Variants in FAM229B observed in about 807,000 individuals in gnomAD.
FAM229B encodes the protein family with sequence similarity 229 member B.
FAM229B carries 2 observed loss-of-function variants against 6.7 expected under a neutral mutation model. The observed-to-expected ratio is 0.30, with a 90% CI of 0.12 to 0.94. The LOEUF is 0.94. Among genes scored for constraint, FAM229B ranks in the 40% least tolerant of loss-of-function variants. The probability of loss-of-function intolerance (pLI) is 0.54; values close to 1 mark genes in which losing one functional copy is unlikely to be tolerated. For missense variants in FAM229B, 93 were observed against 96.2 expected, an observed-to-expected ratio of 0.97 and a Z score of 0.14; for synonymous variants, 29 against 34.0, an observed-to-expected ratio of 0.85 and a Z score of 0.51.
chr6:112,098,855 T>A (rs1777359246), intron 2 of FAM229B, among the ~76,000 whole-genome samples: 1 of 152,230 alleles, frequency 6.6e-6, no homozygotes, highest in Non-Finnish European at 1.5e-5. Flanking sequence ...TTGCGTTGCT[T>A]GGTGGCTATT....
At chr6:112,094,378 A>G (rs1030817996) in intron 1 of FAM229B, among the ~76,000 whole-genome samples, 4 of 152,124 alleles carry the variant, frequency 2.6e-5, no homozygotes, top group African/African-American at 9.7e-5. Context: ...CTTATGTCTC[A>G]GACTCCATTT....
intron 1 of FAM229B, among the ~76,000 whole-genome samples, chr6:112,094,500 C>A (rs1461496695): frequency 6.6e-6 from 1 of 151,914 alleles, no homozygotes; most frequent in Non-Finnish European, 1.5e-5. Flanking sequence ...TCAACTGTGT[C>A]AATGTTTTTG....
chr6:112,094,543 C>T (rs1239918468), intron 1 of FAM229B, among the ~76,000 whole-genome samples: 1 of 152,084 alleles, frequency 6.6e-6, no homozygotes, highest in Non-Finnish European at 1.5e-5. Flanking sequence ...TTAATGCCCC[C>T]CATCTCTTAG....
At position 112,093,558 on chromosome 6, in the gene FAM229B, C is replaced by T. The variant is rs116839052; in HGVS notation, c.-175-3483C>T. ...AGAACAGTGAAGCCAACTATAGCAG[C>T]ATGTACATTCAAGTGCGTGTGGAAC... is the stretch of plus-strand genomic sequence containing the variant. On this transcript the variant is annotated intron_variant, in intron 1 of 3. Transcript: ENST00000368656. Among the ~76,000 whole-genome samples the T allele has an allele frequency of 6.4e-3, 968 of 152,170 alleles. 10 individuals are homozygous for T. Among genetic ancestry groups the T allele is most frequent in the African/African-American group, 0.022 (915 of 41,550 alleles).
At chr6:112,099,890 G>GA (rs1554319061) in intron 3 of FAM229B, among the ~76,000 whole-genome samples, 1 of 152,194 alleles carries the variant, frequency 6.6e-6, no homozygotes, top group African/African-American at 2.4e-5. Context: ...GAGTGATATA[G>GA]AATCTGAAGA....
intron 3 of FAM229B, 144 bp downstream of exon 3, chr6:112,099,552 C>G (rs1251365520): frequency 1.4e-6 from 1 of 733,394 alleles, no homozygotes; most frequent in Admixed American, 3.5e-5. Context: ...TAACAGAGCC[C>G]AGTTTTCCTT....
Position 112,096,521 on chromosome 6 carries a change from A to C in FAM229B, c.-175-520A>C, listed in dbSNP as rs146537258. Among the ~76,000 whole-genome samples the C allele has an allele frequency of 6.8e-3, 1,037 of 152,232 alleles. 10 individuals are homozygous for C. The highest frequency in any genetic ancestry group is 0.024 in the African/African-American group (981 of 41,552). The stretch of plus-strand genomic sequence containing the variant: ...CAGTGAGCCAAGATAGCACCACTGC[A>C]CTCCAGCCTGGGTGACAGAGCGAGA... On this transcript the variant is annotated intron_variant, in intron 1 of 3. Coordinates refer to ENST00000368656, the MANE Select transcript of FAM229B (RefSeq NM_001033564.3).
In FAM229B at chr6:112,088,810, G is replaced by A. The variant is rs151165063; in HGVS notation, c.-176+1090G>A. On this transcript the variant is annotated intron_variant, in intron 1 of 3. Transcript: ENST00000368656. Reference sequence around the variant, plus strand: ...AGTCTTGGTCCAGTTTGTAGGCAGTGATGTGAATAGGTCTGTATCAGTGTG... The same window carrying A: ...AGTCTTGGTCCAGTTTGTAGGCAGTAATGTGAATAGGTCTGTATCAGTGTG... Among the ~76,000 whole-genome samples, 589 of 152,328 alleles carry A rather than the reference G, an allele frequency of 3.9e-3. 9 individuals are homozygous for A. Among genetic ancestry groups the A allele is most frequent in the African/African-American group, 0.013 (556 of 41,570 alleles).
intron 1 of FAM229B, among the ~76,000 whole-genome samples, chr6:112,089,822 A>C (rs1777234085): frequency 6.6e-6 from 1 of 152,238 alleles, no homozygotes; most frequent in Admixed American, 6.5e-5. Flanking sequence ...ACATAAGATT[A>C]ACATGTGCCC....
intron 1 of FAM229B, among the ~76,000 whole-genome samples, chr6:112,088,147 A>G (rs1777203706): frequency 6.6e-6 from 1 of 152,192 alleles, no homozygotes; most frequent in Non-Finnish European, 1.5e-5. Flanking sequence ...CACGCGAAAT[A>G]CTTAAAGAAT....
At chr6:112,095,628 C>A (rs1336669584) in intron 1 of FAM229B, among the ~76,000 whole-genome samples, 1 of 106,558 alleles carries the variant, frequency 9.4e-6, no homozygotes. Context: ...AGAGCAAGAC[C>A]CTGTCTCAAA....
rs1275044669 is a variant in FAM229B at position 112,097,192 on chromosome 6, G to A, written c.-24G>A. On this transcript the variant is annotated 5_prime_UTR_variant, in exon 2 of 4. Transcript: ENST00000368656. ...TTCACCTCTACAGGAATCAGACTCA[G>A]CCTCTTTTGGTAAGTCTATTTATCC... The A allele has an allele frequency of 2.6e-5, 4 of 152,200 alleles. No homozygotes were observed. Among genetic ancestry groups the A allele is most frequent in the Non-Finnish European group, 5.9e-5 (4 of 68,034 alleles). 9.4% of individuals were successfully genotyped at this position (152,200 alleles called of 1,614,324 possible).
chr6:112,090,968 CTT>C (rs782177035), intron 1 of FAM229B, among the ~76,000 whole-genome samples: 55 of 152,216 alleles, frequency 3.6e-4, no homozygotes, highest in Non-Finnish European at 6.6e-4. Context: ...CTAACTGAAA[CTT>C]ATTGTATCCG....
chr6:112,095,401 G>A (rs1283389719), intron 1 of FAM229B, among the ~76,000 whole-genome samples: 1 of 151,964 alleles, frequency 6.6e-6, no homozygotes, highest in Non-Finnish European at 1.5e-5. Context: ...GGAGGGTGAG[G>A]TGGGTGGATC....
intron 2 of FAM229B, among the ~76,000 whole-genome samples, chr6:112,098,605 G>T (rs1329484557): frequency 1.3e-5 from 2 of 152,152 alleles, no homozygotes; most frequent in Admixed American, 6.5e-5. Context: ...GTTGGGAAGG[G>T]CCAGAGCCAG....
intron 1 of FAM229B, among the ~76,000 whole-genome samples, chr6:112,096,825 T>C (rs1777332590): frequency 6.6e-6 from 1 of 152,080 alleles, no homozygotes; most frequent in Non-Finnish European, 1.5e-5. Context: ...AGAAAGGGAA[T>C]GAGGAAAACA....
At chr6:112,088,432 A>G (rs1777209449) in intron 1 of FAM229B, among the ~76,000 whole-genome samples, 1 of 152,216 alleles carries the variant, frequency 6.6e-6, no homozygotes, top group Admixed American at 6.5e-5. Flanking sequence ...ATTTTCCACA[A>G]AAATTCTGAA....
chr6:112,088,505 A>G (rs183655788), intron 1 of FAM229B, among the ~76,000 whole-genome samples: 21 of 152,326 alleles, frequency 1.4e-4, no homozygotes, highest in African/African-American at 5.1e-4. Context: ...TGTGCTATGA[A>G]TATGTGCTAA....
rs115057102 is a variant in FAM229B at position 112,088,601 on chromosome 6, G to A, written c.-176+881G>A. Among the ~76,000 whole-genome samples, 1,211 of 151,914 alleles carry A rather than the reference G, an allele frequency of 8.0e-3. 26 individuals carry two copies. The highest frequency in any genetic ancestry group is 0.028 in the African/African-American group (1,154 of 41,424). On this transcript the variant is annotated intron_variant, in intron 1 of 3. Coordinates refer to ENST00000368656, the MANE Select transcript of FAM229B (RefSeq NM_001033564.3). ...TTACTATTAAATTTCTCTGGTAGCC[G>A]GTAGGTTTAAAGTTGCAATGGATTT... is the stretch of plus-strand genomic sequence containing the variant.
Sources: gnomAD v4.1 joint callset for allele counts (sites outside exome capture counted in the v4.1 genomes callset) on GRCh38, gnomAD v4.1.1 for gene constraint, MANE v1.5 for transcripts, NCBI Gene and HGNC (gene_info 2026-07-23, HGNC 2026-07-21) for gene names.